Variants in JAKMIP2 observed in about 807,000 individuals in gnomAD.
JAKMIP2 encodes the protein janus kinase and microtubule-interacting protein 2.
A neutral mutation model predicts 115.0 loss-of-function variants in JAKMIP2; 25 were observed. The observed-to-expected ratio is 0.22, with a 90% confidence interval of 0.16 to 0.30. JAKMIP2 has a LOEUF of 0.30. Ranked by LOEUF, JAKMIP2 falls within the 10% of genes least tolerant of loss-of-function variation. The pLI, the probability that JAKMIP2 is intolerant of heterozygous loss-of-function variation, is 1.00. For missense variants in JAKMIP2, 642 were observed against 957.6 expected (o/e 0.67, Z 4.35); for synonymous variants, 334 against 343.6 (o/e 0.97, Z 0.31).
At chr5:147,660,457 G>A (rs1758899403) in intron 3 of JAKMIP2, 1 of 454,172 alleles carries the variant, frequency 2.2e-6, no homozygotes, top group Admixed American at 2.4e-5. Flanking sequence ...TTTCAGTCAT[G>A]GTTTCTGGAA....
rs116141632 is a variant in JAKMIP2, at chr5:147,629,873, C to T, written c.1876-127G>A. The T allele has an allele frequency of 5.0e-3, 3,354 of 669,418 alleles. 90 individuals are homozygous for T. The African/African-American group carries it at 0.051, about 10-fold the overall frequency. 41.5% of individuals were successfully genotyped at this position (669,418 alleles called of 1,614,324 possible). ...TCCTTGGGATGTTTTCAATCTGGCACACCTAGTTTTAAGTTTCAATTTTGC... is the reference window on the plus strand; with the variant it reads ...TCCTTGGGATGTTTTCAATCTGGCATACCTAGTTTTAAGTTTCAATTTTGC... On this transcript the variant is annotated intron_variant, in intron 14 of 21. Coordinates refer to ENST00000616793, the MANE Select transcript of JAKMIP2 (RefSeq NM_001270941.2).
chr5:147,720,881 A>G (rs1185008396), intron 1 of JAKMIP2, among the ~76,000 whole-genome samples: 46 of 152,046 alleles, frequency 3.0e-4, no homozygotes, highest in South Asian at 1.0e-3. Context: ...GCTTTGTTCC[A>G]TTGCTGGTGA....
At chr5:147,604,002 C>T (rs1755859079) in intron 20 of JAKMIP2, among the ~76,000 whole-genome samples, 1 of 152,080 alleles carries the variant, frequency 6.6e-6, no homozygotes, top group Non-Finnish European at 1.5e-5. Flanking sequence ...TTAACTTTGA[C>T]TTCTTCCTTG....
At chr5:147,692,413 A>G (rs562628927) in intron 1 of JAKMIP2, among the ~76,000 whole-genome samples, 2 of 152,322 alleles carry the variant, frequency 1.3e-5, no homozygotes, top group East Asian at 3.9e-4. Context: ...GTTTGTGGTA[A>G]TTTGTTACAG....
chr5:147,718,206 C>T (rs1247896343), intron 1 of JAKMIP2, among the ~76,000 whole-genome samples: 3 of 151,280 alleles, frequency 2.0e-5, no homozygotes, highest in African/African-American at 7.3e-5. Context: ...CCCACTTGAT[C>T]ATGGTGGATA....
At chr5:147,721,838 C>T (rs898961976) in intron 1 of JAKMIP2, among the ~76,000 whole-genome samples, 2 of 152,088 alleles carry the variant, frequency 1.3e-5, no homozygotes, top group East Asian at 1.9e-4. Context: ...AGCTGTAGAC[C>T]GGAGCCGTTC....
intron 1 of JAKMIP2, among the ~76,000 whole-genome samples, chr5:147,731,148 G>A (rs968969542): frequency 6.6e-5 from 10 of 152,166 alleles, no homozygotes; most frequent in Non-Finnish European, 7.3e-5. Flanking sequence ...CAAGGGTCAC[G>A]TCAGTTCTAT....
chr5:147,713,491 T>C (rs7701840), intron 1 of JAKMIP2, among the ~76,000 whole-genome samples: 69,136 of 152,036 alleles, frequency 0.45, 16,759 homozygotes, highest in African/African-American at 0.62. Context: ...CTGTAGGAAA[T>C]GATACAATTT....
intron 1 of JAKMIP2, among the ~76,000 whole-genome samples, chr5:147,701,957 T>C (rs1752340831): frequency 6.6e-6 from 1 of 152,200 alleles, no homozygotes; most frequent in African/African-American, 2.4e-5. Context: ...TATCTCTCCA[T>C]TCTTCTGATA....
At chr5:147,705,834 A>G (rs1031898411) in intron 1 of JAKMIP2, among the ~76,000 whole-genome samples, 4 of 152,198 alleles carry the variant, frequency 2.6e-5, no homozygotes, top group Non-Finnish European at 5.9e-5. Context: ...TTTTTTATGT[A>G]TAAGATGAAT....
chr5:147,661,607 G>C (rs1388054268), intron 2 of JAKMIP2, 162 bp from the exon 3 acceptor site: 6 of 652,752 alleles, frequency 9.2e-6, no homozygotes, highest in Non-Finnish European at 1.0e-5. Context: ...TTGAAGCTGG[G>C]AATACAGTGT....
chr5:147,631,749 G>C (rs1282174862), intron 13 of JAKMIP2, among the ~76,000 whole-genome samples: 1 of 152,150 alleles, frequency 6.6e-6, no homozygotes, highest in African/African-American at 2.4e-5. Context: ...TTTTTGATCA[G>C]GGAAATGCAG....
At chr5:147,714,419 G>A (rs1448793924) in intron 1 of JAKMIP2, among the ~76,000 whole-genome samples, 1 of 152,136 alleles carries the variant, frequency 6.6e-6, no homozygotes, top group Non-Finnish European at 1.5e-5. Context: ...CAGGTCGAAA[G>A]CATGGAGAGA....
chr5:147,732,717 C>T lies in JAKMIP2; in HGVS notation c.-149+49739G>A, dbSNP rs920895589. Among the ~76,000 whole-genome samples, 3 of 152,188 alleles carry T rather than the reference C, an allele frequency of 2.0e-5. No individual in the cohort carries two copies. In the South Asian group the frequency reaches 6.2e-4, roughly 32 times the overall value. ...AAACCCCACAATGTAAGTGCTTTCA[C>T]TATATTATTTCAGTAAAGAAACTAA... is the stretch of plus-strand genomic sequence containing the variant. On this transcript the variant is annotated intron_variant, in intron 1 of 21. Coordinates refer to ENST00000616793, the MANE Select transcript of JAKMIP2 (RefSeq NM_001270941.2).
At chr5:147,619,160 A>G (rs1361390626) in intron 18 of JAKMIP2, among the ~76,000 whole-genome samples, 1 of 152,146 alleles carries the variant, frequency 6.6e-6, no homozygotes, top group Non-Finnish European at 1.5e-5. Flanking sequence ...GACAGAAGTG[A>G]CCAGACATGC....
chr5:147,633,875 A>G (rs1447975432), intron 12 of JAKMIP2, among the ~76,000 whole-genome samples: 1 of 151,980 alleles, frequency 6.6e-6, no homozygotes, highest in Non-Finnish European at 1.5e-5. Context: ...TTTTTAGTAG[A>G]GACAGGGTTT....
chr5:147,742,153 A>T lies in JAKMIP2; in HGVS notation c.-149+40303T>A, dbSNP rs865933081. Among the ~76,000 whole-genome samples, 103 of 110,376 alleles carry T rather than the reference A, an allele frequency of 9.3e-4. 4 individuals are homozygous for T. Among genetic ancestry groups the T allele is most frequent in the Admixed American group, 4.3e-3 (46 of 10,588 alleles). 72.4% of individuals were successfully genotyped at this position (110,376 alleles called of 152,430 possible). On this transcript the variant is annotated intron_variant, in intron 1 of 21. Coordinates refer to ENST00000616793, the MANE Select transcript of JAKMIP2 (RefSeq NM_001270941.2). ...CCTGTGGATCATTATATATATATAT[A>T]TATTTTTTTTACTATTGTATTGTAT...
chr5:147,592,276 C>A (rs1463330215), intron 21 of JAKMIP2, among the ~76,000 whole-genome samples: 2 of 152,306 alleles, frequency 1.3e-5, no homozygotes, highest in African/African-American at 2.4e-5. Context: ...CCTGTCTATT[C>A]CCTTCAGTGA....
intron 12 of JAKMIP2, among the ~76,000 whole-genome samples, chr5:147,634,980 A>G (rs1757542829): frequency 1.3e-5 from 2 of 152,190 alleles, no homozygotes; most frequent in Non-Finnish European, 2.9e-5. Flanking sequence ...TTGGGCTTTC[A>G]AATTCTGTTT....
Sources: allele counts gnomAD v4.1 joint callset (sites outside exome capture counted in the v4.1 genomes callset), GRCh38; gene constraint gnomAD v4.1.1; transcripts MANE v1.5; gene names NCBI Gene and HGNC (gene_info 2026-07-23, HGNC 2026-07-21).